The following ATG10 variants were observed in gnomAD, a reference collection of about 807,000 sequenced individuals.
ATG10 encodes autophagy related 10.
Under a neutral mutation model 32.1 loss-of-function variants are expected in ATG10, and 30 were observed. That is an observed-to-expected ratio of 0.94 (90% CI 0.70 to 1.27). The LOEUF (loss-of-function observed/expected upper bound fraction) is 1.27. Ranked by LOEUF, ATG10 falls within the 50% of genes most tolerant of loss-of-function variation. The probability of loss-of-function intolerance (pLI) is 0.00; values close to 1 mark genes in which losing one functional copy is unlikely to be tolerated. For synonymous variants in ATG10, 87 were observed against 91.5 expected (o/e 0.95, Z 0.28); for missense variants, 233 against 262.3 (o/e 0.89, Z 0.77).
At chr5:82,079,681 C>T (rs1401397799) in intron 3 of ATG10, among the ~76,000 whole-genome samples, 4 of 152,100 alleles carry the variant, frequency 2.6e-5, no homozygotes, top group Non-Finnish European at 5.9e-5. Context: ...CATGTCCCTA[C>T]AAAGGACGTG....
Position 82,164,672 on chromosome 5 carries a change from A to G in ATG10, c.355+135A>G. 3.7e-6 allele frequency: 3 copies of G among 810,840 alleles called. No homozygotes were observed. The South Asian group carries it at 5.9e-5, about 16-fold the overall frequency. The allele number at this position is 810,840 out of a possible 1,614,324, so 50.2% of individuals were successfully genotyped here. A position where few individuals can be genotyped will look rare whatever the true frequency, so the allele number is the denominator to read the frequency against. Reference sequence around the variant, plus strand: ...AAAACTGTGGGTGAGGTAAGGTTTTACCACTAAATTTTCTCATGCTTCAGA... The same window carrying G: ...AAAACTGTGGGTGAGGTAAGGTTTTGCCACTAAATTTTCTCATGCTTCAGA... On this transcript the variant is annotated intron_variant, in intron 4 of 7. Coordinates refer to ENST00000282185, the MANE Select transcript of ATG10 (RefSeq NM_031482.5).
intron 4 of ATG10, among the ~76,000 whole-genome samples, chr5:82,173,211 G>A (rs1288328092): frequency 1.3e-5 from 2 of 152,152 alleles, no homozygotes; most frequent in Admixed American, 6.5e-5. Flanking sequence ...TGACTCCAGC[G>A]TGCTTGCACT....
chr5:82,208,260 T>A (rs79441633), intron 5 of ATG10, among the ~76,000 whole-genome samples: 1 of 38,976 alleles, frequency 2.6e-5, no homozygotes, highest in African/African-American at 4.7e-4. Context: ...CTAACTATTC[T>A]TTTTTTTTTT....
At chr5:82,019,836 G>A (rs889481939) in intron 2 of ATG10, among the ~76,000 whole-genome samples, 3 of 152,174 alleles carry the variant, frequency 2.0e-5, no homozygotes, top group Admixed American at 2.0e-4. Context: ...GCTATGGAGG[G>A]GTTAGTGTTC....
intron 2 of ATG10, among the ~76,000 whole-genome samples, chr5:82,021,902 A>C (rs2149706840): frequency 6.6e-6 from 1 of 152,206 alleles, no homozygotes; most frequent in East Asian, 1.9e-4. Flanking sequence ...GGGCACCTGT[A>C]GTCCCAGCTA....
At chr5:81,982,754 T>C (rs1171665707) in intron 1 of ATG10, among the ~76,000 whole-genome samples, 1 of 151,970 alleles carries the variant, frequency 6.6e-6, no homozygotes, top group Non-Finnish European at 1.5e-5. Flanking sequence ...GATTAGGGAG[T>C]GGTGATGACT....
At chr5:81,983,792 G>A (rs1035445981) in intron 1 of ATG10, among the ~76,000 whole-genome samples, 1 of 151,720 alleles carries the variant, frequency 6.6e-6, no homozygotes, top group African/African-American at 2.4e-5. Flanking sequence ...CAGATGGGGC[G>A]GCCAGGCAGA....
At chr5:82,040,436 G>A (rs1434929567) in intron 2 of ATG10, among the ~76,000 whole-genome samples, 1 of 152,082 alleles carries the variant, frequency 6.6e-6, no homozygotes, top group Admixed American at 6.6e-5. Flanking sequence ...GGCATTGAAA[G>A]GCAGATTTTG....
chr5:82,092,074 A>C (rs894253063), intron 3 of ATG10, among the ~76,000 whole-genome samples: 2 of 152,172 alleles, frequency 1.3e-5, no homozygotes, highest in African/African-American at 4.8e-5. Context: ...AACACTACCA[A>C]TTTAGTTTAA....
At chr5:82,007,867 T>C (rs911506160) in intron 2 of ATG10, among the ~76,000 whole-genome samples, 1 of 152,248 alleles carries the variant, frequency 6.6e-6, no homozygotes, top group Non-Finnish European at 1.5e-5. Flanking sequence ...TATTTATTTT[T>C]ACTTCAAAGG....
At position 82,082,469 on chromosome 5, in the gene ATG10, G is replaced by A. The variant is rs545951015; in HGVS notation, c.216+23867G>A. On this transcript the variant is annotated intron_variant, in intron 3 of 7. Coordinates refer to ENST00000282185, the MANE Select transcript of ATG10 (RefSeq NM_031482.5). Reference sequence around the variant, plus strand: ...CAGTTTCTTTTTCTTTCAATTACTTGATTAACGTAATGTCTCATGGGCAGC... The same window carrying A: ...CAGTTTCTTTTTCTTTCAATTACTTAATTAACGTAATGTCTCATGGGCAGC... 9.2e-5 allele frequency among the ~76,000 whole-genome samples: 14 copies of A among 152,206 alleles called. No individual in the cohort carries two copies. In the South Asian group the frequency reaches 2.9e-3, roughly 32 times the overall value.
intron 4 of ATG10, among the ~76,000 whole-genome samples, chr5:82,175,887 GCA>G (rs146858605): frequency 4.6e-4 from 59 of 129,238 alleles, no homozygotes; most frequent in African/African-American, 6.7e-4. Context: ...ACACACACAC[GCA>G]CACACACACA....
rs575203225 is a variant in ATG10 at position 81,983,808 on chromosome 5, T to C, written c.-12-3751T>C. 1.2e-3 allele frequency among the ~76,000 whole-genome samples: 176 copies of C among 147,958 alleles called. 3 individuals are homozygous for C. The highest frequency in any genetic ancestry group is 2.3e-3 in the Admixed American group (35 of 14,956). ...AGATGGGGCGGCCAGGCAGAGACGC[T>C]CCTCACCTCCCAGACGGGGTCGTGG... On this transcript the variant is annotated intron_variant, in intron 1 of 7. Coordinates refer to ENST00000282185, the MANE Select transcript of ATG10 (RefSeq NM_031482.5).
intron 5 of ATG10, among the ~76,000 whole-genome samples, chr5:82,210,464 T>C (rs1208277772): frequency 3.3e-5 from 5 of 152,180 alleles, no homozygotes; most frequent in Admixed American, 3.3e-4. Flanking sequence ...TAAAATCCTA[T>C]GTGTTTACCA....
At chr5:82,021,653 C>A (rs899278164) in intron 2 of ATG10, among the ~76,000 whole-genome samples, 13 of 152,130 alleles carry the variant, frequency 8.5e-5, no homozygotes, top group African/African-American at 2.7e-4. Flanking sequence ...GAAGCTGGGG[C>A]GGGTGGATCA....
chr5:82,194,230 G>A (rs1287401158), intron 5 of ATG10, among the ~76,000 whole-genome samples: 1 of 152,108 alleles, frequency 6.6e-6, no homozygotes, highest in Non-Finnish European at 1.5e-5. Flanking sequence ...AAGTAAAATA[G>A]GTGGGTCTTT....
chr5:82,108,750 C>T lies in ATG10; in HGVS notation c.216+50148C>T, dbSNP rs140083645. Among the ~76,000 whole-genome samples, 85 of 151,996 alleles carry T rather than the reference C, an allele frequency of 5.6e-4. 1 individual carries two copies. The Middle Eastern group carries it at 0.01, about 18-fold the overall frequency. On this transcript the variant is annotated intron_variant, in intron 3 of 7. Coordinates refer to ENST00000282185, the MANE Select transcript of ATG10 (RefSeq NM_031482.5). ...ATTACAAAGGTATAAAATATTTAAACACAAGGCAGAAAAAGGAGTTGAAGA... is the reference window on the plus strand; with the variant it reads ...ATTACAAAGGTATAAAATATTTAAATACAAGGCAGAAAAAGGAGTTGAAGA...
At position 82,142,259 on chromosome 5, in the gene ATG10, A is replaced by G. The variant is rs1767181665; in HGVS notation, c.217-22140A>G. ...CATATATAAATAATGAAAATACAATAAAATAATTCCTCTCAGTAAGATATG... is the reference window on the plus strand; with the variant it reads ...CATATATAAATAATGAAAATACAATGAAATAATTCCTCTCAGTAAGATATG... On this transcript the variant is annotated intron_variant, in intron 3 of 7. Coordinates refer to ENST00000282185, the MANE Select transcript of ATG10 (RefSeq NM_031482.5). Among the ~76,000 whole-genome samples the G allele has an allele frequency of 2.0e-5, 3 of 152,238 alleles. No homozygotes were observed. The South Asian group carries it at 6.2e-4, about 32-fold the overall frequency.
chr5:82,207,440 C>T (rs575906530), intron 5 of ATG10, among the ~76,000 whole-genome samples: 1 of 152,106 alleles, frequency 6.6e-6, no homozygotes, highest in Non-Finnish European at 1.5e-5. Context: ...TTGTGAAGTT[C>T]CTGTTCATGC....
Sources: allele counts gnomAD v4.1 joint callset (sites outside exome capture counted in the v4.1 genomes callset), GRCh38; gene constraint gnomAD v4.1.1; transcripts MANE v1.5; gene names NCBI Gene and HGNC (gene_info 2026-07-23, HGNC 2026-07-21).